VRK2: variants seen among roughly 807,000 people sequenced by gnomAD.
VRK2 encodes serine/threonine-protein kinase VRK2.
In VRK2, 60 loss-of-function variants were observed where a neutral mutation model predicts 57.6. The ratio of observed to expected loss-of-function variants is 1.04; its 90% confidence interval spans 0.85 to 1.29. The LOEUF is 1.29. Ranked by LOEUF, VRK2 falls within the 50% of genes most tolerant of loss-of-function variation. The pLI, the probability that VRK2 is intolerant of heterozygous loss-of-function variation, is 0.00. For synonymous variants in VRK2, 231 were observed against 199.2 expected, an observed-to-expected ratio of 1.16 and a Z score of -1.35; for missense variants, 705 against 588.1, an observed-to-expected ratio of 1.20 and a Z score of -2.06.
intron 7 of VRK2, among the ~76,000 whole-genome samples, chr2:58,091,895 A>G (rs1052222130): frequency 5.3e-5 from 8 of 152,166 alleles, no homozygotes; most frequent in African/African-American, 9.7e-5. Context: ...CTAAAATAAT[A>G]GTCTGATAAT....
intron 1 of VRK2, among the ~76,000 whole-genome samples, chr2:57,984,986 AG>A (rs1333354637): frequency 6.6e-6 from 1 of 151,950 alleles, no homozygotes; most frequent in South Asian, 2.1e-4. Context: ...AAATGTTATG[AG>A]GGGGATTAAA....
chr2:58,043,742 G>C (rs1044450116), upstream of VRK2, among the ~76,000 whole-genome samples: 4 of 152,254 alleles, frequency 2.6e-5, no homozygotes, highest in African/African-American at 9.6e-5. Flanking sequence ...GATTTATCTT[G>C]GGTAAATATG....
chr2:58,017,275 A>T (rs1032714871), intron 1 of VRK2, among the ~76,000 whole-genome samples: 6 of 152,192 alleles, frequency 3.9e-5, no homozygotes, highest in African/African-American at 1.4e-4. Context: ...TTGTCCTATT[A>T]GTGAATACTA....
intron 7 of VRK2, among the ~76,000 whole-genome samples, chr2:58,110,641 G>C (rs978723677): frequency 2.2e-4 from 34 of 152,162 alleles, no homozygotes; most frequent in Non-Finnish European, 2.9e-5. Context: ...AGAATTAGGA[G>C]GGCAAGGGCT....
At chr2:57,952,972 G>A (rs911152918) in intron 1 of VRK2, among the ~76,000 whole-genome samples, 4 of 152,110 alleles carry the variant, frequency 2.6e-5, no homozygotes, top group African/African-American at 7.2e-5. Flanking sequence ...GTCAGATGTC[G>A]TGGGATGATG....
At chr2:58,115,914 A>T (rs1209228330) in intron 7 of VRK2, among the ~76,000 whole-genome samples, 3 of 152,206 alleles carry the variant, frequency 2.0e-5, no homozygotes, top group Non-Finnish European at 4.4e-5. Context: ...GAGATCCAGA[A>T]CAGAATAATG....
intron 9 of VRK2, among the ~76,000 whole-genome samples, chr2:58,134,438 C>T (rs967030572): frequency 2.7e-5 from 4 of 150,882 alleles, no homozygotes; most frequent in East Asian, 2.0e-4. Flanking sequence ...GGTGAAACCC[C>T]GTCTCTACTA....
intron 1 of VRK2, among the ~76,000 whole-genome samples, chr2:57,917,136 T>C (rs1355025556): frequency 2.0e-5 from 3 of 152,154 alleles, no homozygotes; most frequent in Non-Finnish European, 2.9e-5. Flanking sequence ...TTAATGTTGA[T>C]TAATAATCCA....
intron 1 of VRK2, among the ~76,000 whole-genome samples, chr2:57,936,196 C>A (rs1670897978): frequency 6.6e-6 from 1 of 152,130 alleles, no homozygotes; most frequent in Admixed American, 6.5e-5. Context: ...GCCATGGGAC[C>A]AAACTAAAAC....
chr2:58,134,588 G>A (rs539200782), intron 9 of VRK2, among the ~76,000 whole-genome samples: 4 of 144,870 alleles, frequency 2.8e-5, no homozygotes, highest in Non-Finnish European at 4.5e-5. Flanking sequence ...TCCGCAGTCC[G>A]GCCTGGGCGA....
chr2:57,926,108 CT>C lies in VRK2; in HGVS notation c.-439+18277del, dbSNP rs1227560305. On this transcript the variant is annotated intron_variant, in intron 1 of 15. Coordinates refer to the VRK2 transcript ENST00000417641. Reference sequence around the variant, plus strand: ...CTAGAGAAAATACCTGATATAATTTCTTTTTTTTATTTTTTAAGACTTTTTT... The same window carrying C: ...CTAGAGAAAATACCTGATATAATTTCTTTTTTTATTTTTTAAGACTTTTTT... 2.0e-5 allele frequency among the ~76,000 whole-genome samples: 3 copies of C among 151,572 alleles called. No individual in the cohort carries two copies. The South Asian group carries it at 6.2e-4, about 32-fold the overall frequency.
chr2:58,143,126 A>G (rs760698104), intron 11 of VRK2, among the ~76,000 whole-genome samples: 1 of 151,920 alleles, frequency 6.6e-6, no homozygotes, highest in Non-Finnish European at 1.5e-5. Flanking sequence ...AAGTCTCAAA[A>G]TAATTCTATG....
chr2:57,930,082 G>A (rs1299316181), intron 1 of VRK2, among the ~76,000 whole-genome samples: 1 of 152,220 alleles, frequency 6.6e-6, no homozygotes, highest in Middle Eastern at 3.4e-3. Context: ...GTCTCACTAA[G>A]TTGTGGGCCC....
intron 2 of VRK2, among the ~76,000 whole-genome samples, chr2:58,072,724 C>A (rs1192003901): frequency 5.3e-5 from 8 of 151,064 alleles, no homozygotes; most frequent in Non-Finnish European, 5.9e-5. Flanking sequence ...AGTTTTTTTT[C>A]TTTTAATGTT....
chr2:58,031,960 A>C (rs1674123661), intron 2 of VRK2, among the ~76,000 whole-genome samples: 1 of 152,112 alleles, frequency 6.6e-6, no homozygotes, highest in Admixed American at 6.6e-5. Flanking sequence ...TCAGTGTCTT[A>C]CAATGACCTT....
At chr2:58,055,617 A>C (rs575690045) in intron 2 of VRK2, among the ~76,000 whole-genome samples, 116 of 152,336 alleles carry the variant, frequency 7.6e-4, no homozygotes, top group African/African-American at 2.7e-3. Context: ...CAGCAGAGCC[A>C]GGTGCAATCA....
intron 2 of VRK2, among the ~76,000 whole-genome samples, chr2:58,052,306 A>G (rs1194783517): frequency 6.6e-6 from 1 of 152,108 alleles, no homozygotes; most frequent in African/African-American, 2.4e-5. Context: ...AGACTTTCCC[A>G]TTCTTAATAC....
intron 2 of VRK2, among the ~76,000 whole-genome samples, chr2:58,053,582 C>T (rs575701708): frequency 6.6e-6 from 1 of 152,080 alleles, no homozygotes; most frequent in Non-Finnish European, 1.5e-5. Context: ...TTTACTTCTT[C>T]ATAAAATAAT....
rs181815526 is a variant in VRK2, at chr2:58,153,279, T to C, written c.1183-6070T>C. Among the ~76,000 whole-genome samples, 589 of 152,146 alleles carry C rather than the reference T, an allele frequency of 3.9e-3. 5 individuals are homozygous for C. Among genetic ancestry groups the C allele is most frequent in the Middle Eastern group, 0.014 (4 of 294 alleles). ...TCAGTAGTAATCTGAAGTATGGATA[T>C]ACCATTGAAGAACATTTGGTTTCTT... On this transcript the variant is annotated intron_variant, in intron 12 of 12. Coordinates refer to ENST00000340157, the MANE Select transcript of VRK2 (RefSeq NM_006296.7).
Sources: allele counts gnomAD v4.1 joint callset (sites outside exome capture counted in the v4.1 genomes callset), GRCh38; gene constraint gnomAD v4.1.1; transcripts MANE v1.5; gene names NCBI Gene and HGNC (gene_info 2026-07-23, HGNC 2026-07-21).